The following EXOC4 variants were observed in gnomAD, a reference collection of about 807,000 sequenced individuals.
The protein encoded by EXOC4 is SEC8-like 1.
In EXOC4, 71 loss-of-function variants were observed where a neutral mutation model predicts 107.2. The observed-to-expected ratio is 0.66, with a 90% confidence interval of 0.55 to 0.81. The LOEUF (loss-of-function observed/expected upper bound fraction) is 0.81. EXOC4 is among the 30% of genes least tolerant of loss of function. The pLI, the probability that EXOC4 is intolerant of heterozygous loss-of-function variation, is 0.00. For missense variants in EXOC4, 1,108 were observed against 1,189.6 expected (o/e 0.93, Z 1.01); for synonymous variants, 456 against 441.2 (o/e 1.03, Z -0.42).
In EXOC4 at chr7:133,253,513, A is replaced by T; in HGVS notation, c.86+326A>T. The T allele has an allele frequency of 3.8e-6, 4 of 1,056,134 alleles. No homozygotes were observed. The South Asian group carries it at 1.6e-4, about 42-fold the overall frequency. 65.4% of individuals were successfully genotyped at this position (1,056,134 alleles called of 1,614,324 possible). ...GTAAAGGTGTGTTTATTGATTCCTA[A>T]AATGCTTGTTTATTGTTTGCCTGTA... On this transcript the variant is annotated intron_variant, in intron 1 of 17. Coordinates refer to ENST00000253861, the MANE Select transcript of EXOC4 (RefSeq NM_021807.4).
intron 9 of EXOC4, among the ~76,000 whole-genome samples, chr7:133,538,183 C>A (rs1406555076): frequency 6.6e-6 from 1 of 152,120 alleles, no homozygotes; most frequent in Non-Finnish European, 1.5e-5. Context: ...CACTATGGTA[C>A]AAGAATTGGA....
rs1441049332 is a variant in EXOC4 at position 133,755,304 on chromosome 7, A to T, written c.1515-62021A>T. On this transcript the variant is annotated intron_variant, in intron 10 of 17. Transcript: ENST00000253861. ...ATATTATATACATATTATATATATT[A>T]TATATATATTATATATATATAATAT... Among the ~76,000 whole-genome samples the T allele has an allele frequency of 1.3e-3, 151 of 116,938 alleles. 1 individual carries two copies. Among genetic ancestry groups the T allele is most frequent in the Non-Finnish European group, 2.2e-3 (131 of 59,976 alleles). 76.7% of individuals were successfully genotyped at this position (116,938 alleles called of 152,430 possible).
chr7:134,060,319 CT>C (rs1035129879), intron 17 of EXOC4, among the ~76,000 whole-genome samples: 1 of 152,206 alleles, frequency 6.6e-6, no homozygotes, highest in African/African-American at 2.4e-5. Flanking sequence ...ACTTGAAACT[CT>C]TTGGTCTCCA....
chr7:133,634,453 G>T (rs1329665085), intron 10 of EXOC4, among the ~76,000 whole-genome samples: 1 of 151,936 alleles, frequency 6.6e-6, no homozygotes, highest in Non-Finnish European at 1.5e-5. Context: ...AACCTTTAAT[G>T]AATGTTTTTA....
chr7:133,858,450 C>G (rs1798465865), intron 11 of EXOC4, among the ~76,000 whole-genome samples: 1 of 152,090 alleles, frequency 6.6e-6, no homozygotes. Context: ...CACCACTTGA[C>G]TGACCCAAAG....
intron 17 of EXOC4, among the ~76,000 whole-genome samples, chr7:134,048,726 A>G (rs1795715279): frequency 6.6e-6 from 1 of 152,220 alleles, no homozygotes; most frequent in African/African-American, 2.4e-5. Flanking sequence ...TGAAGGAGAC[A>G]TACTAGAGGT....
intron 17 of EXOC4, among the ~76,000 whole-genome samples, chr7:134,040,112 G>A (rs1321472966): frequency 6.6e-6 from 1 of 152,150 alleles, no homozygotes; most frequent in Non-Finnish European, 1.5e-5. Context: ...GGAATAAAGC[G>A]ACAGTCCCAC....
the EXOC4 span, among the ~76,000 whole-genome samples, chr7:134,077,186 G>T: frequency 2.0e-5 from 3 of 152,128 alleles, no homozygotes; most frequent in East Asian, 5.8e-4. Context: ...GAAGGTGGGG[G>T]ACTGGTCTAA....
chr7:133,919,418 C>T (rs939102052), intron 13 of EXOC4, among the ~76,000 whole-genome samples: 8 of 152,184 alleles, frequency 5.3e-5, no homozygotes, highest in African/African-American at 1.9e-4. Context: ...GATCACTCTT[C>T]ATATTCTAAA....
chr7:133,350,330 A>C (rs1478226004), intron 5 of EXOC4, among the ~76,000 whole-genome samples: 3 of 152,046 alleles, frequency 2.0e-5, no homozygotes, highest in Non-Finnish European at 2.9e-5. Flanking sequence ...ACTGTGATCT[A>C]TTTTGAGTTA....
At chr7:133,812,904 C>T (rs1797270126) in intron 10 of EXOC4, among the ~76,000 whole-genome samples, 2 of 152,104 alleles carry the variant, frequency 1.3e-5, no homozygotes, top group African/African-American at 4.8e-5. Context: ...TCCCCCATCC[C>T]TTAGCCCCCG....
intron 7 of EXOC4, among the ~76,000 whole-genome samples, chr7:133,439,310 A>C (rs1339072010): frequency 6.9e-6 from 1 of 145,244 alleles, no homozygotes; most frequent in African/African-American, 2.6e-5. Flanking sequence ...TCAGCCTCCC[A>C]AGTAGCTGGG....
rs375071498 is a variant in EXOC4, at chr7:133,257,532, A to G, written c.86+4345A>G. Reference sequence around the variant, plus strand: ...TTTTATTTCTGTGAGTTCTTGCCAGATTTTTAATTGGGAAATGTGTCTGCC... The same window carrying G: ...TTTTATTTCTGTGAGTTCTTGCCAGGTTTTTAATTGGGAAATGTGTCTGCC... On this transcript the variant is annotated intron_variant, in intron 1 of 17. Coordinates refer to ENST00000253861, the MANE Select transcript of EXOC4 (RefSeq NM_021807.4). 1.3e-4 allele frequency among the ~76,000 whole-genome samples: 20 copies of G among 152,310 alleles called. No homozygotes were observed. In the South Asian group the frequency reaches 3.5e-3, roughly 27 times the overall value.
intron 10 of EXOC4, among the ~76,000 whole-genome samples, chr7:133,742,420 A>G (rs1277321524): frequency 1.3e-5 from 2 of 152,224 alleles, no homozygotes; most frequent in African/African-American, 4.8e-5. Flanking sequence ...TCCTAGAGAA[A>G]GGATTTGCGA....
At chr7:133,535,433 G>T (rs1023299017) in intron 9 of EXOC4, among the ~76,000 whole-genome samples, 2 of 152,118 alleles carry the variant, frequency 1.3e-5, no homozygotes. Flanking sequence ...CTCATACCTG[G>T]AAGTTTACAA....
At chr7:133,936,462 C>T (rs1003209560) in intron 13 of EXOC4, among the ~76,000 whole-genome samples, 3 of 152,138 alleles carry the variant, frequency 2.0e-5, no homozygotes, top group Non-Finnish European at 4.4e-5. Flanking sequence ...CTTAATTTGG[C>T]TTGTTCTAGT....
chr7:133,572,487 A>T (rs1801044220), intron 9 of EXOC4, among the ~76,000 whole-genome samples: 1 of 152,192 alleles, frequency 6.6e-6, no homozygotes, highest in Non-Finnish European at 1.5e-5. Context: ...TAAATATCCA[A>T]GTTGCTTCTA....
intron 5 of EXOC4, among the ~76,000 whole-genome samples, chr7:133,352,950 TG>T (rs1795943753): frequency 1.3e-5 from 2 of 152,074 alleles, no homozygotes; most frequent in African/African-American, 4.8e-5. Context: ...CTACCACTTT[TG>T]GTTGTTGATG....
intron 7 of EXOC4, among the ~76,000 whole-genome samples, chr7:133,413,576 G>A (rs1797409298): frequency 6.6e-6 from 1 of 152,134 alleles, no homozygotes; most frequent in African/African-American, 2.4e-5. Flanking sequence ...CTCAAGTGAT[G>A]GAAGTGCAAG....
Sources: gnomAD v4.1 joint callset for allele counts (sites outside exome capture counted in the v4.1 genomes callset) on GRCh38, gnomAD v4.1.1 for gene constraint, MANE v1.5 for transcripts, NCBI Gene and HGNC (gene_info 2026-07-23, HGNC 2026-07-21) for gene names.